The following SFMBT1 variants were observed in gnomAD, a reference collection of about 807,000 sequenced individuals.
The protein encoded by SFMBT1 is scm-like with four MBT domains protein 1.
SFMBT1 carries 32 observed loss-of-function variants against 108.7 expected under a neutral mutation model. The observed-to-expected ratio is 0.29, with a 90% CI of 0.22 to 0.40. SFMBT1 has a LOEUF of 0.40. SFMBT1 is among the 10% of genes least tolerant of loss of function. SFMBT1 has a pLI of 1.00. For missense variants in SFMBT1, 816 were observed against 1,059.6 expected (o/e 0.77, Z 3.19); for synonymous variants, 348 against 369.5 (o/e 0.94, Z 0.67).
intron 1 of SFMBT1, among the ~76,000 whole-genome samples, chr3:53,007,687 TAATA>T (rs1223337952): frequency 6.6e-6 from 1 of 152,224 alleles, no homozygotes; most frequent in African/African-American, 2.4e-5. Flanking sequence ...TGATATAAAT[TAATA>T]AATCAATAAA....
chr3:52,917,880 G>A (rs1027454450), intron 13 of SFMBT1, among the ~76,000 whole-genome samples: 2 of 152,134 alleles, frequency 1.3e-5, no homozygotes, highest in South Asian at 2.1e-4. Flanking sequence ...GTTGGGGACC[G>A]CTGGTTTAAA....
intron 15 of SFMBT1, 139 bp downstream of exon 15, chr3:52,913,339 G>T: frequency 9.2e-7 from 1 of 1,081,870 alleles, no homozygotes; most frequent in Non-Finnish European, 1.3e-6. Flanking sequence ...CCTCTTCACT[G>T]TCCAAAACAT....
At chr3:52,954,929 G>T (rs1319201418) in intron 2 of SFMBT1, among the ~76,000 whole-genome samples, 1 of 150,864 alleles carries the variant, frequency 6.6e-6, no homozygotes, top group African/African-American at 2.4e-5. Flanking sequence ...ATCCATAGAA[G>T]AATTCTGTAG....
rs141895881 is a variant in SFMBT1, at chr3:53,005,778, G to A, written c.-130-36520C>T. Among the ~76,000 whole-genome samples the A allele has an allele frequency of 2.4e-4, 37 of 152,280 alleles. No individual in the cohort carries two copies. In the East Asian group the frequency reaches 6.6e-3, roughly 27 times the overall value. On this transcript the variant is annotated intron_variant, in intron 1 of 20. Coordinates refer to ENST00000394752, the MANE Select transcript of SFMBT1 (RefSeq NM_016329.4). ...GTTGTCATCTTTATTTTTCTACCTG[G>A]GATGTAAACGATGTGAATATGGGTC...
Position 52,970,992 on chromosome 3 carries a change from G to A in SFMBT1, c.-130-1734C>T, listed in dbSNP as rs1460292190. 2.0e-5 allele frequency among the ~76,000 whole-genome samples: 3 copies of A among 152,036 alleles called. No individual in the cohort carries two copies. The East Asian group carries it at 5.8e-4, about 29-fold the overall frequency. ...CAAAAAATATATATGAAAATTAGCT[G>A]GGTGTGGTAGTGCATGCCTGCAGTC... is the stretch of plus-strand genomic sequence containing the variant. On this transcript the variant is annotated intron_variant, in intron 1 of 20. Transcript: ENST00000394752.
In SFMBT1 at chr3:53,040,626, T is replaced by TAAA. The variant is rs11444774; in HGVS notation, c.-131+5187_-131+5189dup. Among the ~76,000 whole-genome samples, 10 of 138,572 alleles carry TAAA rather than the reference T, an allele frequency of 7.2e-5. No individual in the cohort carries two copies. In the South Asian group the frequency reaches 2.1e-3, roughly 29 times the overall value. The allele number at this position is 138,572 out of a possible 152,430, so 90.9% of individuals were successfully genotyped here. On this transcript the variant is annotated intron_variant, in intron 1 of 20. Coordinates refer to ENST00000394752, the MANE Select transcript of SFMBT1 (RefSeq NM_016329.4). ...CAATGCACCAGACCAGTATGCCAGTTAAAAAAAAAAAAAAAGACCCAATGC... is the reference window on the plus strand; with the variant it reads ...CAATGCACCAGACCAGTATGCCAGTTAAAAAAAAAAAAAAAAAAGACCCAATGC...
chr3:52,957,027 G>A (rs1703806661), intron 2 of SFMBT1, among the ~76,000 whole-genome samples: 1 of 152,102 alleles, frequency 6.6e-6, no homozygotes, highest in Admixed American at 6.6e-5. Context: ...AAGAGAGGAA[G>A]TCAAACTGTC....
chr3:52,949,624 G>A (rs1270914593), intron 3 of SFMBT1, among the ~76,000 whole-genome samples: 1 of 118,880 alleles, frequency 8.4e-6, no homozygotes. Context: ...TGTTGCCCAA[G>A]CTGGAGTGCA....
intron 1 of SFMBT1, among the ~76,000 whole-genome samples, chr3:52,986,544 T>C (rs1575420803): frequency 6.6e-6 from 1 of 151,772 alleles, no homozygotes; most frequent in African/African-American, 2.4e-5. Flanking sequence ...GGTGGGCAGG[T>C]GACCTGAGAT....
At chr3:53,031,041 G>A (rs1459501137) in intron 1 of SFMBT1, among the ~76,000 whole-genome samples, 1 of 152,176 alleles carries the variant, frequency 6.6e-6, no homozygotes, top group African/African-American at 2.4e-5. Context: ...GAGATGGCAG[G>A]CAAAGCCTAA....
intron 1 of SFMBT1, among the ~76,000 whole-genome samples, chr3:52,978,177 G>T (rs923801336): frequency 1.3e-5 from 2 of 152,114 alleles, no homozygotes; most frequent in Non-Finnish European, 2.9e-5. Flanking sequence ...AGAGAGAAAG[G>T]AGGTTTCACT....
chr3:53,038,181 C>A (rs1699925941), intron 1 of SFMBT1, among the ~76,000 whole-genome samples: 1 of 152,186 alleles, frequency 6.6e-6, no homozygotes, highest in Non-Finnish European at 1.5e-5. Context: ...GAGGCTGAGG[C>A]AGGAGAAGTG....
chr3:52,911,213 G>A (rs549944923), intron 16 of SFMBT1, 35 bp from the exon 17 acceptor site: 5 of 1,541,732 alleles, frequency 3.2e-6, no homozygotes, highest in Non-Finnish European at 4.4e-6. Context: ...CAAATATATT[G>A]GGCTAATGAT....
chr3:52,944,581 G>A (rs1330614462), intron 3 of SFMBT1, among the ~76,000 whole-genome samples: 2 of 152,056 alleles, frequency 1.3e-5, no homozygotes, highest in Admixed American at 6.6e-5. Flanking sequence ...GTGCAATGGC[G>A]TGATCTCGGC....
intron 1 of SFMBT1, among the ~76,000 whole-genome samples, chr3:53,040,967 A>AT (rs1559560284): frequency 1.4e-5 from 1 of 72,834 alleles, no homozygotes; most frequent in Non-Finnish European, 3.0e-5. Context: ...AAGACACCTG[A>AT]ATTTTTTTTT....
intron 1 of SFMBT1, among the ~76,000 whole-genome samples, chr3:53,035,910 T>C (rs1699856158): frequency 6.6e-6 from 1 of 152,226 alleles, no homozygotes; most frequent in Admixed American, 6.5e-5. Flanking sequence ...TAAGTAAATT[T>C]TGAAAGGAGC....
intron 11 of SFMBT1, among the ~76,000 whole-genome samples, chr3:52,921,316 C>G (rs1702513448): frequency 6.6e-6 from 1 of 152,124 alleles, no homozygotes; most frequent in Non-Finnish European, 1.5e-5. Flanking sequence ...ACTTTTAGCA[C>G]AGTTTACCAT....
At chr3:52,963,740 C>T (rs1042656088) in intron 2 of SFMBT1, among the ~76,000 whole-genome samples, 4 of 152,176 alleles carry the variant, frequency 2.6e-5, no homozygotes, top group African/African-American at 9.7e-5. Flanking sequence ...GCGTGAGCCA[C>T]CGGGTCTGGC....
At chr3:52,993,057 A>G (rs1705193551) in intron 1 of SFMBT1, among the ~76,000 whole-genome samples, 1 of 152,220 alleles carries the variant, frequency 6.6e-6, no homozygotes, top group Non-Finnish European at 1.5e-5. Context: ...CAAATTATTT[A>G]AAGATTTCCC....
Sources: allele counts gnomAD v4.1 joint callset (sites outside exome capture counted in the v4.1 genomes callset), GRCh38; gene constraint gnomAD v4.1.1; transcripts MANE v1.5; gene names NCBI Gene and HGNC (gene_info 2026-07-23, HGNC 2026-07-21).